The following FNTB variants were observed in gnomAD, a reference collection of about 807,000 sequenced individuals.
The protein encoded by FNTB is farnesyltransferase, CAAX box, subunit beta.
FNTB carries 27 observed loss-of-function variants against 59.4 expected under a neutral mutation model. The ratio of observed to expected loss-of-function variants is 0.45; its 90% CI spans 0.34 to 0.63. The LOEUF is 0.63. Among genes scored for constraint, FNTB ranks in the 20% least tolerant of loss-of-function variants. The pLI is 0.02. For synonymous variants in FNTB, 230 were observed against 220.7 expected (o/e 1.04, Z -0.37); for missense variants, 449 against 559.6 (o/e 0.80, Z 1.99).
Position 65,028,741 on chromosome 14 carries a change from A to T in FNTB, c.605+960A>T, listed in dbSNP as rs1390442867. Among the ~76,000 whole-genome samples the T allele has an allele frequency of 1.3e-5, 2 of 152,254 alleles. No individual in the cohort carries two copies. Among genetic ancestry groups the T allele is most frequent in the Non-Finnish European group, 2.9e-5 (2 of 68,034 alleles). On this transcript the variant is annotated intron_variant, in intron 6 of 11. Coordinates refer to ENST00000246166, the MANE Select transcript of FNTB (RefSeq NM_002028.4). This position sits in a 1 kb window ranked among gnomAD's most constrained non-coding sequence, Gnocchi z 4.4. ...AAAAATTAGATTAGGATCTGTGTAT[A>T]CCAGTGAAACCAGTAGAACGACTGA...
Position 65,027,939 on chromosome 14 carries a change from G to A in FNTB, c.605+158G>A, listed in dbSNP as rs2062013769. On this transcript the variant is annotated intron_variant, in intron 6 of 11. Transcript: ENST00000246166. This position sits in a 1 kb window ranked among gnomAD's most constrained non-coding sequence, Gnocchi z 5.7. Reference sequence around the variant, plus strand: ...AGTGACACGTCAGAATCATTCAGATGTGATGCAGATGTCCTCAGGTGTCAT... The same window carrying A: ...AGTGACACGTCAGAATCATTCAGATATGATGCAGATGTCCTCAGGTGTCAT... Among the ~76,000 whole-genome samples the A allele has an allele frequency of 6.6e-6, 1 of 152,204 alleles. No homozygotes were observed.
chr14:65,053,837 GCA>G (rs2062668997), intron 10 of FNTB, among the ~76,000 whole-genome samples: 1 of 152,094 alleles, frequency 6.6e-6, no homozygotes, highest in African/African-American at 2.4e-5. Context: ...CCCCATCCCA[GCA>G]CACGTCCTGC....
chr14:65,004,110 C>A (rs2061546804), intron 1 of FNTB, 139 bp from the exon 2 acceptor site: 1 of 780,146 alleles, frequency 1.3e-6, no homozygotes, highest in Non-Finnish European at 2.0e-6. Context: ...TCCTGCAGAA[C>A]CCATCTTACA....
At chr14:65,004,501 G>T (rs1291490311) in intron 2 of FNTB, among the ~76,000 whole-genome samples, 188 bp downstream of exon 2, 1 of 152,114 alleles carries the variant, frequency 6.6e-6, no homozygotes, top group Non-Finnish European at 1.5e-5. Context: ...TGTTTAGAGC[G>T]ATTCTCCACT....
chr14:65,053,449 G>T (rs755083134), intron 10 of FNTB, 100 bp downstream of exon 10: 17 of 1,029,290 alleles, frequency 1.7e-5, no homozygotes, highest in Non-Finnish European at 1.9e-5. Flanking sequence ...GAGCAGAGGT[G>T]TCACCTTCAG....
rs746431726 is a variant in FNTB at position 65,030,324 on chromosome 14, C to T, written c.606-2286C>T. ...CCCAATGCCTGCTGGTGGAACTAAA[C>T]TTCCACTGTGCCTTTGGCTGCTAAA... On this transcript the variant is annotated intron_variant, in intron 6 of 11. Coordinates refer to ENST00000246166, the MANE Select transcript of FNTB (RefSeq NM_002028.4). The surrounding 1 kb of genome is among the most constrained non-coding windows in gnomAD (Gnocchi z 4.5). 1.3e-5 allele frequency among the ~76,000 whole-genome samples: 2 copies of T among 152,234 alleles called. No homozygotes were observed. Among genetic ancestry groups the T allele is most frequent in the Non-Finnish European group, 2.9e-5 (2 of 68,050 alleles).
chr14:65,053,635 C>A (rs12894195), intron 10 of FNTB, among the ~76,000 whole-genome samples: 36,582 of 146,748 alleles, frequency 0.25, 4,775 homozygotes, highest in Non-Finnish European at 0.3. Context: ...TTAAAAAAAA[C>A]AAAAAAAAAC....
Position 64,990,761 on chromosome 14 carries a change from A to G in FNTB, c.144+3664A>G, listed in dbSNP as rs112335534. The stretch of plus-strand genomic sequence containing the variant: ...GCTCATTTAGGTTACTGTCAAGAGT[A>G]GATGGTGGGGAGTGAGGGTGGATAC... On this transcript the variant is annotated intron_variant, in intron 1 of 11. Transcript: ENST00000246166. This position sits in a 1 kb window ranked among gnomAD's most constrained non-coding sequence, Gnocchi z 5.2. Among the ~76,000 whole-genome samples the G allele has an allele frequency of 5.9e-5, 9 of 152,334 alleles. No homozygotes were observed. The highest frequency in any genetic ancestry group is 2.2e-4 in the African/African-American group (9 of 41,586).
intron 1 of FNTB, 149 bp downstream of exon 1, chr14:64,987,246 C>T (rs913266756): frequency 3.1e-6 from 3 of 960,068 alleles, no homozygotes; most frequent in Non-Finnish European, 4.6e-6. Flanking sequence ...GCTCCGGGCG[C>T]CCAGGCTTGG....
rs564706233 is a variant in FNTB at position 65,037,287 on chromosome 14, AG to A, written c.693-3502del. Among the ~76,000 whole-genome samples the A allele has an allele frequency of 2.6e-3, 382 of 148,916 alleles. 3 individuals carry two copies. Among genetic ancestry groups the A allele is most frequent in the African/African-American group, 8.9e-3 (361 of 40,490 alleles). On this transcript the variant is annotated intron_variant, in intron 7 of 11. Transcript: ENST00000246166. ...CCCAGCTAATTTTTGTATTTTTAGT[AG>A]AGATGGGGTTTTACCATGTTGGCCA... is the stretch of plus-strand genomic sequence containing the variant.
intron 1 of FNTB, among the ~76,000 whole-genome samples, chr14:64,996,916 C>T: frequency 6.6e-6 from 1 of 151,930 alleles, no homozygotes; most frequent in Non-Finnish European, 1.5e-5. Context: ...GTGTGTGCAT[C>T]CTTCCACTTC....
chr14:65,012,281 T>C lies in FNTB; in HGVS notation c.210-36T>C, dbSNP rs914185095. Reference sequence around the variant, plus strand: ...ACGTGTGTATGGTGGAAGCATAAGCTATTAGAATGGGCTTATAAACTGTTT... The same window carrying C: ...ACGTGTGTATGGTGGAAGCATAAGCCATTAGAATGGGCTTATAAACTGTTT... On this transcript the variant is annotated intron_variant, in intron 2 of 11. Transcript: ENST00000246166. The surrounding 1 kb of genome is among the most constrained non-coding windows in gnomAD (Gnocchi z 5.0). The C allele has an allele frequency of 1.2e-6, 2 of 1,612,458 alleles. No individual in the cohort carries two copies. The highest frequency in any genetic ancestry group is 3.3e-5 in the Admixed American group (2 of 60,002).
intron 1 of FNTB, among the ~76,000 whole-genome samples, chr14:65,002,889 T>C (rs558005837): frequency 6.6e-6 from 1 of 152,320 alleles, no homozygotes; most frequent in Non-Finnish European, 1.5e-5. Flanking sequence ...AACTGATTGC[T>C]GGACTTCAAA....
Position 65,044,624 on chromosome 14 carries a change from A to C in FNTB, c.955+181A>C. On this transcript the variant is annotated intron_variant, in intron 9 of 11. Transcript: ENST00000246166. This position sits in a 1 kb window ranked among gnomAD's most constrained non-coding sequence, Gnocchi z 5.5. ...CGAATGCAGAGTAAGATTTAGTTTC[A>C]TTGGTTTAGTGTCATTCTTTGCTTC... is the stretch of plus-strand genomic sequence containing the variant. 1.1e-6 allele frequency: 1 copy of C among 919,558 alleles called. No individual in the cohort carries two copies. The highest frequency in any genetic ancestry group is 1.5e-6 in the Non-Finnish European group (1 of 654,390). The allele number at this position is 919,558 out of a possible 1,614,324, so 57.0% of individuals were successfully genotyped here. A position where few individuals can be genotyped will look rare whatever the true frequency, so the allele number is the denominator to read the frequency against.
chr14:65,018,702 C>T (rs1015825193), intron 4 of FNTB, among the ~76,000 whole-genome samples: 10 of 149,162 alleles, frequency 6.7e-5, no homozygotes, highest in Non-Finnish European at 3.0e-5. Flanking sequence ...CCCAGCTACT[C>T]GGGAGACTAA....
At chr14:64,995,665 C>CAT (rs1888363969) in intron 1 of FNTB, among the ~76,000 whole-genome samples, 1 of 150,520 alleles carries the variant, frequency 6.6e-6, no homozygotes, top group African/African-American at 2.4e-5. Flanking sequence ...TAAGTTGATA[C>CAT]ATACTTAGTT....
In FNTB at chr14:65,012,235, C is replaced by T. The variant is rs997973904; in HGVS notation, c.210-82C>T. On this transcript the variant is annotated intron_variant, in intron 2 of 11. Transcript: ENST00000246166. This position sits in a 1 kb window ranked among gnomAD's most constrained non-coding sequence, Gnocchi z 5.0. ...GACGTCCTGAAGCTGAGTGTTTACC[C>T]GTGTGTGTGTACGTGCACATACGTG... is the stretch of plus-strand genomic sequence containing the variant. 14 of 1,553,800 alleles carry T rather than the reference C, an allele frequency of 9.0e-6. No individual in the cohort carries two copies. Among genetic ancestry groups the T allele is most frequent in the African/African-American group, 2.7e-5 (2 of 73,790 alleles).
At chr14:65,020,349 T>C (rs1203484354) in intron 4 of FNTB, among the ~76,000 whole-genome samples, 4 of 152,216 alleles carry the variant, frequency 2.6e-5, no homozygotes, top group East Asian at 3.8e-4. Flanking sequence ...CTGGGCTCAA[T>C]TGATCCTCCT....
intron 4 of FNTB, among the ~76,000 whole-genome samples, chr14:65,016,756 C>G (rs2061780631): frequency 1.3e-5 from 2 of 152,134 alleles, no homozygotes; most frequent in Admixed American, 1.3e-4. Context: ...AGAATTAGGC[C>G]ATTAACCCTT....
Sources: gnomAD v4.1 joint callset for allele counts (sites outside exome capture counted in the v4.1 genomes callset) on GRCh38, gnomAD v4.1.1 for gene constraint, Gnocchi (gnomAD v3.1) non-coding constraint, MANE v1.5 for transcripts, NCBI Gene and HGNC (gene_info 2026-07-23, HGNC 2026-07-21) for gene names.